Variants in ACOT1 observed in about 807,000 individuals in gnomAD.
ACOT1 encodes acyl-coenzyme A thioesterase 1.
A neutral mutation model predicts 15.7 loss-of-function variants in ACOT1; 8 were observed. That is an observed-to-expected ratio of 0.51 (90% CI 0.30 to 0.92). The LOEUF (loss-of-function observed/expected upper bound fraction) is 0.92, where lower values mean the gene tolerates loss of function less well. ACOT1 is among the 40% of genes least tolerant of loss of function. The probability of loss-of-function intolerance (pLI) is 0.06; values close to 1 mark genes in which losing one functional copy is unlikely to be tolerated. For missense variants in ACOT1, 151 were observed against 539.4 expected (o/e 0.28, Z 7.13); for synonymous variants, 67 against 241.2 (o/e 0.28, Z 6.69).
the ACOT1 span, among the ~76,000 whole-genome samples, chr14:73,497,717 C>T: frequency 2.0e-5 from 3 of 152,142 alleles, no homozygotes; most frequent in African/African-American, 7.2e-5. Context: ...ACCTCCACTT[C>T]CCAGGTTCAA....
intron 1 of ACOT1, among the ~76,000 whole-genome samples, chr14:73,538,689 A>G (rs1249433622): frequency 9.0e-6 from 1 of 111,696 alleles, no homozygotes; most frequent in Non-Finnish European, 1.9e-5. Flanking sequence ...ACAAAACAAA[A>G]AAAACAGGCC....
rs1234802168 is a variant in ACOT1 at position 73,542,177 on chromosome 14, T to C, written c.660+482T>C. Among the ~76,000 whole-genome samples the C allele has an allele frequency of 2.0e-5, 2 of 101,166 alleles. 1 individual carries two copies. Among genetic ancestry groups the C allele is most frequent in the Non-Finnish European group, 4.2e-5 (2 of 47,326 alleles). The allele number at this position is 101,166 out of a possible 152,430, so 66.4% of individuals were successfully genotyped here. A position where few individuals can be genotyped will look rare whatever the true frequency, so the allele number is the denominator to read the frequency against. On this transcript the variant is annotated intron_variant, in intron 2 of 2. Coordinates refer to ENST00000311148, the MANE Select transcript of ACOT1 (RefSeq NM_001037161.2). ...GCCTAATTTTTGTATTTTTTTTTTT[T>C]AGTAGAGATGGGGTTTCGCCATGTT...
chr14:73,522,799 G>C, the ACOT1 span: 1 of 1,614,210 alleles, frequency 6.2e-7, no homozygotes, highest in Non-Finnish European at 8.5e-7. Context: ...GGAACTTGAA[G>C]CTAACAGGTT....
the ACOT1 span, chr14:73,493,094 T>G: frequency 5.6e-6 from 9 of 1,610,084 alleles, no homozygotes; most frequent in African/African-American, 1.2e-4. Flanking sequence ...GTCACAAACC[T>G]CGGAAGGTCT....
chr14:73,497,262 A>G, the ACOT1 span, among the ~76,000 whole-genome samples: 1 of 152,004 alleles, frequency 6.6e-6, no homozygotes, highest in Non-Finnish European at 1.5e-5. Context: ...CTGGTCTAGA[A>G]CTCCTGACCT....
At chr14:73,518,124 C>T in the ACOT1 span, among the ~76,000 whole-genome samples, 1 of 151,422 alleles carries the variant, frequency 6.6e-6, no homozygotes, top group East Asian at 2.0e-4. Context: ...CTGTGGCTGT[C>T]CACAGCTGTC....
the ACOT1 span, chr14:73,491,384 G>T: frequency 7.4e-7 from 1 of 1,353,568 alleles, no homozygotes; most frequent in Non-Finnish European, 9.4e-7. Context: ...GGCGCGCCTG[G>T]TGCCCGCTTC....
At chr14:73,538,765 C>T (rs1195570904) in intron 1 of ACOT1, among the ~76,000 whole-genome samples, 1 of 113,516 alleles carries the variant, frequency 8.8e-6, no homozygotes, top group Non-Finnish European at 1.9e-5. Context: ...ATCAAGAGTT[C>T]GAGACCAGCC....
chr14:73,519,054 T>C, the ACOT1 span: 1 of 1,613,860 alleles, frequency 6.2e-7, no homozygotes, highest in Non-Finnish European at 8.5e-7. Context: ...CACTCCACTT[T>C]TCTGGAGTTT....
the ACOT1 span, chr14:73,491,402 C>G: frequency 2.4e-5 from 32 of 1,345,788 alleles, no homozygotes; most frequent in Non-Finnish European, 3.0e-5. Context: ...TTCCGCGCCG[C>G]CCGCGCGCCT....
the ACOT1 span, chr14:73,498,318 G>C: frequency 6.2e-7 from 1 of 1,608,614 alleles, no homozygotes; most frequent in Non-Finnish European, 8.5e-7. Flanking sequence ...GTCAGCTCGG[G>C]ACTTACTTGC....
At chr14:73,506,018 G>A in the ACOT1 span, among the ~76,000 whole-genome samples, 2 of 150,210 alleles carry the variant, frequency 1.3e-5, no homozygotes, top group South Asian at 4.2e-4. Context: ...AGCCTCCCAA[G>A]TAGCAGGGAT....
the ACOT1 span, chr14:73,491,866 C>T: frequency 6.8e-6 from 11 of 1,610,574 alleles, no homozygotes; most frequent in Middle Eastern, 1.6e-4. Flanking sequence ...GCGCGCTGCC[C>T]GCCGCCGCGT....
the ACOT1 span, among the ~76,000 whole-genome samples, chr14:73,529,354 CAAAAAA>C: frequency 1.7e-4 from 15 of 87,454 alleles, no homozygotes; most frequent in Admixed American, 6.0e-4. Context: ...GACTCTGTCT[CAAAAAA>C]AAAAAAAAAA....
the ACOT1 span, chr14:73,506,486 A>C: frequency 5.0e-5 from 81 of 1,613,656 alleles, 2 homozygotes; most frequent in East Asian, 1.8e-3. Flanking sequence ...ATTTCCACTG[A>C]TCCGGGAGAA....
At chr14:73,498,452 T>C in the ACOT1 span, 2 of 966,400 alleles carry the variant, frequency 2.1e-6, no homozygotes, top group Non-Finnish European at 1.5e-6. Flanking sequence ...TGGATGGTAA[T>C]CACCATTAGA....
At chr14:73,492,168 A>G in the ACOT1 span, 1 of 1,613,762 alleles carries the variant, frequency 6.2e-7, no homozygotes, top group African/African-American at 1.3e-5. The surrounding 1 kb of genome is among the most constrained non-coding windows in gnomAD (Gnocchi z 4.9). Context: ...GACCTCGGTG[A>G]GCCGGTGCTG....
the ACOT1 span, chr14:73,496,731 G>A: frequency 1.2e-5 from 12 of 970,022 alleles, no homozygotes; most frequent in Non-Finnish European, 2.0e-5. Context: ...CTTTAAAAAA[G>A]TATGGGGGTA....
the ACOT1 span, chr14:73,498,233 G>C: frequency 6.2e-7 from 1 of 1,614,092 alleles, no homozygotes; most frequent in Non-Finnish European, 8.5e-7. Context: ...AAGTTTCAGG[G>C]CTAGGATGCT....
Sources: allele counts gnomAD v4.1 joint callset (sites outside exome capture counted in the v4.1 genomes callset), GRCh38; gene constraint gnomAD v4.1.1; non-coding constraint Gnocchi (gnomAD v3.1); transcripts MANE v1.5; gene names NCBI Gene and HGNC (gene_info 2026-07-23, HGNC 2026-07-21).